DCLK1: variants seen among roughly 807,000 people sequenced by gnomAD.
DCLK1 encodes doublecortin like kinase 1, also known as serine/threonine-protein kinase DCLK1.
DCLK1 carries 16 observed loss-of-function variants against 86.2 expected under a neutral mutation model. That is an observed-to-expected ratio of 0.19 (90% confidence interval 0.13 to 0.28). DCLK1 has a LOEUF of 0.28. DCLK1 is among the 10% of genes least tolerant of loss of function. The pLI is 1.00. For synonymous variants in DCLK1, 369 were observed against 370.5 expected, an observed-to-expected ratio of 1.00 and a Z score of 0.05; for missense variants, 590 against 940.2, an observed-to-expected ratio of 0.63 and a Z score of 4.87.
Position 35,867,286 on chromosome 13 carries a change from A to C in DCLK1, c.940+3938T>G, listed in dbSNP as rs149870260. 1.6e-3 allele frequency among the ~76,000 whole-genome samples: 243 copies of C among 152,354 alleles called. 5 individuals are homozygous for C. The East Asian group carries it at 0.042, about 26-fold the overall frequency. On this transcript the variant is annotated intron_variant, in intron 5 of 16. Transcript: ENST00000360631. The stretch of plus-strand genomic sequence containing the variant: ...AGCAAGTTGAAAATTTTATATACAC[A>C]AAAAGCTCACATTAAACAAAATATG...
At chr13:35,996,208 C>T (rs1360511233) in intron 3 of DCLK1, among the ~76,000 whole-genome samples, 2 of 152,148 alleles carry the variant, frequency 1.3e-5, no homozygotes, top group East Asian at 1.9e-4. Context: ...AGATTCTAGG[C>T]GTAAGCCACT....
At chr13:35,973,709 A>G (rs928849379) in intron 3 of DCLK1, among the ~76,000 whole-genome samples, 3 of 152,214 alleles carry the variant, frequency 2.0e-5, no homozygotes, top group African/African-American at 7.2e-5. Flanking sequence ...GGCAAAAAAG[A>G]GAGAGCTCAG....
intron 4 of DCLK1, among the ~76,000 whole-genome samples, chr13:35,903,059 C>T (rs1042987297): frequency 7.9e-5 from 12 of 152,116 alleles, no homozygotes; most frequent in Non-Finnish European, 2.9e-5. Flanking sequence ...GGCTCTTCAG[C>T]AGCCTTCTCA....
chr13:35,974,242 A>G (rs1414262054), intron 3 of DCLK1, among the ~76,000 whole-genome samples: 1 of 152,164 alleles, frequency 6.6e-6, no homozygotes, highest in Non-Finnish European at 1.5e-5. Flanking sequence ...TGAGAATGTG[A>G]CTGCATTTGA....
chr13:35,897,077 C>T (rs1432284640), intron 4 of DCLK1, among the ~76,000 whole-genome samples: 1 of 151,998 alleles, frequency 6.6e-6, no homozygotes, highest in Non-Finnish European at 1.5e-5. Context: ...TCTTCATTAT[C>T]GGGCCATTGA....
At chr13:36,044,814 C>G (rs895128526) in intron 3 of DCLK1, among the ~76,000 whole-genome samples, 1 of 151,820 alleles carries the variant, frequency 6.6e-6, no homozygotes, top group Non-Finnish European at 1.5e-5. Flanking sequence ...CAAGAAATAA[C>G]AAAATAAACA....
chr13:36,034,530 T>C (rs940381202), intron 3 of DCLK1, among the ~76,000 whole-genome samples: 9 of 152,194 alleles, frequency 5.9e-5, no homozygotes, highest in Non-Finnish European at 1.2e-4. Context: ...ACAAACTGCT[T>C]TAAATTAAAA....
intron 3 of DCLK1, among the ~76,000 whole-genome samples, chr13:35,959,867 G>A (rs916034998): frequency 0.013 from 1,951 of 147,352 alleles, 41 homozygotes; most frequent in East Asian, 0.074. Context: ...GTGTGTGTGT[G>A]TGTGTGTGTG....
At chr13:35,937,728 TA>T (rs1431973939) in intron 4 of DCLK1, among the ~76,000 whole-genome samples, 4 of 152,162 alleles carry the variant, frequency 2.6e-5, no homozygotes, top group East Asian at 1.9e-4. Context: ...ACAATTTTTC[TA>T]AAAAAACTGA....
chr13:35,843,542 G>A (rs1206946273), intron 6 of DCLK1, among the ~76,000 whole-genome samples: 1 of 152,204 alleles, frequency 6.6e-6, no homozygotes, highest in African/African-American at 2.4e-5. Context: ...TAGTGGAAAA[G>A]AGTTCACTTT....
intron 3 of DCLK1, among the ~76,000 whole-genome samples, chr13:36,012,128 C>A (rs866185811): frequency 1.4e-5 from 2 of 138,710 alleles, no homozygotes; most frequent in East Asian, 2.1e-4. Flanking sequence ...TGTCTCTGCA[C>A]GTGAGATGGG....
chr13:35,994,393 A>G (rs889692499), intron 3 of DCLK1, among the ~76,000 whole-genome samples: 6 of 152,216 alleles, frequency 3.9e-5, no homozygotes, highest in Non-Finnish European at 7.3e-5. Flanking sequence ...CAATCACATT[A>G]CAGCCCACAA....
At chr13:36,131,575 A>G (rs1361309199), upstream of DCLK1, among the ~76,000 whole-genome samples, 1 of 152,028 alleles carries the variant, frequency 6.6e-6, no homozygotes, top group Non-Finnish European at 1.5e-5. Context: ...ACCTCGGTGC[A>G]TCTGGCTTGA....
intron 12 of DCLK1, 80 bp downstream of exon 12, chr13:35,810,755 C>T: frequency 6.5e-7 from 1 of 1,541,136 alleles, no homozygotes; most frequent in Non-Finnish European, 8.9e-7. Flanking sequence ...GGATAGGGCA[C>T]AGCAGTACTA....
At chr13:35,910,677 C>T (rs1566598331) in intron 4 of DCLK1, among the ~76,000 whole-genome samples, 1 of 152,132 alleles carries the variant, frequency 6.6e-6, no homozygotes, top group Non-Finnish European at 1.5e-5. Flanking sequence ...TCCCAGGGGC[C>T]GCTGTGGCAG....
chr13:36,059,483 G>T (rs971115541), intron 3 of DCLK1, among the ~76,000 whole-genome samples: 1 of 152,074 alleles, frequency 6.6e-6, no homozygotes, highest in Non-Finnish European at 1.5e-5. Flanking sequence ...CAAGATCTTT[G>T]TCCCTCCAGA....
intron 4 of DCLK1, among the ~76,000 whole-genome samples, chr13:35,886,260 C>T (rs1873234280): frequency 6.6e-6 from 1 of 152,130 alleles, no homozygotes; most frequent in Admixed American, 6.6e-5. Flanking sequence ...ATCTGCCCGC[C>T]TCAGCCTCCC....
intron 3 of DCLK1, among the ~76,000 whole-genome samples, chr13:36,079,204 C>T (rs1165595982): frequency 2.6e-5 from 4 of 152,098 alleles, no homozygotes; most frequent in African/African-American, 4.8e-5. Context: ...TGGCCATGTG[C>T]AAATGGAGGC....
chr13:36,033,182 A>G (rs1352460506), intron 3 of DCLK1, among the ~76,000 whole-genome samples: 1 of 152,332 alleles, frequency 6.6e-6, no homozygotes, highest in East Asian at 1.9e-4. Context: ...TTCAATCCAG[A>G]AGAAGCTTTT....
Sources: allele counts gnomAD v4.1 joint callset (sites outside exome capture counted in the v4.1 genomes callset), GRCh38; gene constraint gnomAD v4.1.1; transcripts MANE v1.5; gene names NCBI Gene and HGNC (gene_info 2026-07-23, HGNC 2026-07-21).